The following GSK3B variants were observed in gnomAD, a reference collection of about 807,000 sequenced individuals.
GSK3B encodes the protein glycogen synthase kinase 3 beta, also known as glycogen synthase kinase-3 beta.
In GSK3B, 15 loss-of-function variants were observed where a neutral mutation model predicts 56.4. The ratio of observed to expected loss-of-function variants is 0.27; its 90% CI spans 0.18 to 0.41. GSK3B has a LOEUF of 0.41. Ranked by LOEUF, GSK3B falls within the 10% of genes least tolerant of loss-of-function variation. GSK3B has a pLI of 1.00. For synonymous variants in GSK3B, 181 were observed against 188.9 expected, an observed-to-expected ratio of 0.96 and a Z score of 0.34; for missense variants, 300 against 513.4, an observed-to-expected ratio of 0.58 and a Z score of 4.02.
chr3:119,901,456 T>C (rs541436568), intron 7 of GSK3B, among the ~76,000 whole-genome samples: 1 of 152,338 alleles, frequency 6.6e-6, no homozygotes, highest in South Asian at 2.1e-4. Context: ...TACTTTTAAC[T>C]TATTCTAAAG....
At chr3:119,845,952 T>C (rs907135188) in intron 9 of GSK3B, among the ~76,000 whole-genome samples, 3 of 152,050 alleles carry the variant, frequency 2.0e-5, no homozygotes, top group Non-Finnish European at 2.9e-5. Context: ...AAAAAAGATA[T>C]ACAGACCAAT....
At chr3:119,948,168 T>C (rs1191509369) in intron 2 of GSK3B, among the ~76,000 whole-genome samples, 1 of 149,848 alleles carries the variant, frequency 6.7e-6, no homozygotes, top group East Asian at 1.9e-4. Context: ...AATGCCAGCT[T>C]TCTAGCCAAA....
At chr3:120,087,277 A>T (rs1177890188) in intron 1 of GSK3B, among the ~76,000 whole-genome samples, 1 of 152,226 alleles carries the variant, frequency 6.6e-6, no homozygotes, top group Non-Finnish European at 1.5e-5. Flanking sequence ...TCACGCCTGT[A>T]ATCCCAGCAC....
chr3:119,873,252 A>C (rs1277819191), intron 8 of GSK3B, among the ~76,000 whole-genome samples: 1 of 151,780 alleles, frequency 6.6e-6, no homozygotes, highest in Non-Finnish European at 1.5e-5. Context: ...TTTTTCTGCT[A>C]TTTCTTTTAC....
chr3:119,909,775 G>A (rs1354104388), intron 6 of GSK3B, among the ~76,000 whole-genome samples: 1 of 150,426 alleles, frequency 6.6e-6, no homozygotes, highest in East Asian at 1.9e-4. Flanking sequence ...CTAAACATCT[G>A]GGGTGAAGAC....
chr3:119,890,911 A>T (rs2056494565), intron 7 of GSK3B, among the ~76,000 whole-genome samples: 1 of 152,076 alleles, frequency 6.6e-6, no homozygotes, highest in South Asian at 2.1e-4. Context: ...CATATTTTTT[A>T]AGAAAGCAAA....
chr3:120,048,380 T>C (rs1402967559), intron 1 of GSK3B, among the ~76,000 whole-genome samples: 3 of 152,230 alleles, frequency 2.0e-5, no homozygotes, highest in Non-Finnish European at 4.4e-5. Context: ...GCATTCAAAT[T>C]GTTCCAAGAC....
At chr3:120,040,883 ACTC>A (rs1287132811) in intron 1 of GSK3B, among the ~76,000 whole-genome samples, 1 of 149,262 alleles carries the variant, frequency 6.7e-6, no homozygotes, top group African/African-American at 2.5e-5. Context: ...TACTCATGTT[ACTC>A]CTCCTCCTTA....
intron 3 of GSK3B, among the ~76,000 whole-genome samples, chr3:119,926,946 T>A (rs950671591): frequency 6.6e-6 from 1 of 152,222 alleles, no homozygotes; most frequent in Non-Finnish European, 1.5e-5. Context: ...CCCCACTTTA[T>A]AAATGACTCT....
chr3:120,004,353 A>G lies in GSK3B; in HGVS notation c.89-2114T>C, dbSNP rs544308300. Among the ~76,000 whole-genome samples, 6 of 152,340 alleles carry G rather than the reference A, an allele frequency of 3.9e-5. No individual in the cohort carries two copies. In the East Asian group the frequency reaches 1.2e-3, roughly 29 times the overall value. ...TGGGGGCAGGGCATATCTGAACAAA[A>G]GGCAGCAGACAGCTTCTGCAGACTT... On this transcript the variant is annotated intron_variant, in intron 1 of 10. Transcript: ENST00000264235.
chr3:120,083,114 T>C lies in GSK3B; in HGVS notation c.88+10233A>G, dbSNP rs117636964. Among the ~76,000 whole-genome samples, 83 of 152,254 alleles carry C rather than the reference T, an allele frequency of 5.5e-4. 3 individuals carry two copies. The East Asian group carries it at 0.012, about 22-fold the overall frequency. ...GGTGAGGGTATCTGCCCAAAAAGTA[T>C]ATAGCTTCTTAACTGCCCTTTTGGA... On this transcript the variant is annotated intron_variant, in intron 1 of 10. Transcript: ENST00000264235.
At chr3:119,901,402 T>G (rs1241803834) in intron 7 of GSK3B, among the ~76,000 whole-genome samples, 1 of 152,236 alleles carries the variant, frequency 6.6e-6, no homozygotes, top group African/African-American at 2.4e-5. Flanking sequence ...CTTGTGTTTT[T>G]CATGCTTAGA....
At chr3:120,039,306 T>G (rs1389906162) in intron 1 of GSK3B, among the ~76,000 whole-genome samples, 1 of 152,216 alleles carries the variant, frequency 6.6e-6, no homozygotes, top group Non-Finnish European at 1.5e-5. Flanking sequence ...AAGCTAAATG[T>G]AGTCTTACCA....
rs1182606974 is a variant in GSK3B at position 119,947,482 on chromosome 3, C to T, written c.283-131G>A. 9 of 641,408 alleles carry T rather than the reference C, an allele frequency of 1.4e-5. No homozygotes were observed. The Admixed American group carries it at 2.3e-4, about 16-fold the overall frequency. The allele number at this position is 641,408 out of a possible 1,614,324, so 39.7% of individuals were successfully genotyped here. ...TAGATATGCTACTAAAAAGTGTGAT[C>T]TGTAGACTGGTTCTGATCTGCAAAA... On this transcript the variant is annotated intron_variant, in intron 2 of 10. Transcript: ENST00000264235.
intron 1 of GSK3B, among the ~76,000 whole-genome samples, chr3:120,076,770 C>T (rs1336708391): frequency 7.2e-6 from 1 of 138,920 alleles, no homozygotes; most frequent in African/African-American, 2.7e-5. Flanking sequence ...GTCGAGATCG[C>T]GCCACTGCAC....
At chr3:119,921,532 T>G (rs9852797) in intron 4 of GSK3B, among the ~76,000 whole-genome samples, 2,773 of 152,266 alleles carry the variant, frequency 0.018, 93 homozygotes, top group African/African-American at 0.064. Context: ...GCAGGAAATA[T>G]AGATGACCAA....
intron 1 of GSK3B, among the ~76,000 whole-genome samples, chr3:120,016,376 A>G (rs569601926): frequency 1.3e-5 from 2 of 152,344 alleles, no homozygotes; most frequent in South Asian, 4.1e-4. Context: ...TGACATACTC[A>G]GAACACTCAT....
intron 3 of GSK3B, among the ~76,000 whole-genome samples, chr3:119,926,328 CCACACACA>C (rs146771538): frequency 3.3e-4 from 48 of 146,904 alleles, no homozygotes; most frequent in African/African-American, 1.0e-3. Flanking sequence ...TCTTACACTT[CCACACACA>C]CACACACACA....
chr3:119,858,210 C>T (rs2056047797), intron 9 of GSK3B, among the ~76,000 whole-genome samples: 1 of 152,198 alleles, frequency 6.6e-6, no homozygotes, highest in African/African-American at 2.4e-5. Flanking sequence ...ATGAGTCAAC[C>T]TATCCTTTGA....
Sources: allele counts gnomAD v4.1 joint callset (sites outside exome capture counted in the v4.1 genomes callset), GRCh38; gene constraint gnomAD v4.1.1; transcripts MANE v1.5; gene names NCBI Gene and HGNC (gene_info 2026-07-23, HGNC 2026-07-21).